Variants in PDE4D observed in about 807,000 individuals in gnomAD.
The protein encoded by PDE4D is 3',5'-cyclic-AMP phosphodiesterase 4D.
Under a neutral mutation model 87.4 loss-of-function variants are expected in PDE4D, and 24 were observed. That is an observed-to-expected ratio of 0.27 (90% CI 0.20 to 0.39). PDE4D has a LOEUF of 0.39. Among genes scored for constraint, PDE4D ranks in the 10% least tolerant of loss-of-function variants. PDE4D has a pLI of 1.00. For synonymous variants in PDE4D, 384 were observed against 383.2 expected (o/e 1.00, Z -0.02); for missense variants, 714 against 1,041.0 (o/e 0.69, Z 4.32).
At chr5:60,445,541 G>A (rs1457290717) in intron 1 of PDE4D, among the ~76,000 whole-genome samples, 2 of 152,148 alleles carry the variant, frequency 1.3e-5, no homozygotes, top group Non-Finnish European at 2.9e-5. Flanking sequence ...TAGGAAAAGT[G>A]TGTGTGATCT....
intron 1 of PDE4D, among the ~76,000 whole-genome samples, chr5:60,348,233 A>C (rs1758893259): frequency 6.6e-6 from 1 of 152,134 alleles, no homozygotes; most frequent in Non-Finnish European, 1.5e-5. Flanking sequence ...TTAGCAAACA[A>C]GAACCTGGGG....
chr5:59,766,369 A>ATGAAATAT (rs1212497877), intron 1 of PDE4D, among the ~76,000 whole-genome samples: 2 of 152,196 alleles, frequency 1.3e-5, no homozygotes, highest in Non-Finnish European at 2.9e-5. Flanking sequence ...ATACACTAAA[A>ATGAAATAT]TGAAATATTG....
intron 1 of PDE4D, among the ~76,000 whole-genome samples, chr5:59,262,919 T>C (rs891809876): frequency 6.6e-6 from 1 of 151,708 alleles, no homozygotes; most frequent in African/African-American, 2.4e-5. Context: ...GAGGAAAACT[T>C]GGAAGTATAT....
intron 1 of PDE4D, among the ~76,000 whole-genome samples, chr5:60,269,255 C>T (rs1188475490): frequency 1.3e-5 from 2 of 152,090 alleles, no homozygotes; most frequent in African/African-American, 2.4e-5. Context: ...TGCAGTGAGC[C>T]GAAATCGTGC....
At chr5:60,249,693 C>T (rs890573521) in intron 1 of PDE4D, among the ~76,000 whole-genome samples, 1 of 151,698 alleles carries the variant, frequency 6.6e-6, no homozygotes, top group Non-Finnish European at 1.5e-5. Context: ...ATGCATTTTG[C>T]AAAGATACAG....
At chr5:59,321,725 C>T (rs1774753534) in intron 1 of PDE4D, among the ~76,000 whole-genome samples, 1 of 152,024 alleles carries the variant, frequency 6.6e-6, no homozygotes, top group Non-Finnish European at 1.5e-5. Context: ...AGCACAGAAG[C>T]CACAGAATGA....
intron 1 of PDE4D, among the ~76,000 whole-genome samples, chr5:60,486,239 C>T (rs557949496): frequency 1.3e-5 from 2 of 152,224 alleles, no homozygotes; most frequent in East Asian, 1.9e-4. Flanking sequence ...TCCTTTCTCC[C>T]ACTAATACAG....
At chr5:59,044,519 C>T (rs1760291888) in intron 5 of PDE4D, among the ~76,000 whole-genome samples, 1 of 152,176 alleles carries the variant, frequency 6.6e-6, no homozygotes, top group African/African-American at 2.4e-5. Flanking sequence ...TTGCTTTGAG[C>T]TAGTCATTCC....
intron 1 of PDE4D, among the ~76,000 whole-genome samples, chr5:60,303,006 T>G (rs573355698): frequency 1.6e-4 from 24 of 151,940 alleles, no homozygotes; most frequent in African/African-American, 4.8e-4. Context: ...TTTTTGTATT[T>G]TTAGTAGAGA....
At chr5:58,988,738 A>G (rs1381389757) in intron 10 of PDE4D, 146 bp from the exon 11 acceptor site, 1 of 403,998 alleles carries the variant, frequency 2.5e-6, no homozygotes, top group Non-Finnish European at 4.3e-6. Context: ...AGAGTCTTAG[A>G]TACTTGTGAA....
At chr5:59,773,884 G>T (rs1763820403) in intron 1 of PDE4D, among the ~76,000 whole-genome samples, 1 of 151,958 alleles carries the variant, frequency 6.6e-6, no homozygotes, top group Non-Finnish European at 1.5e-5. Context: ...CTTTAGAAGG[G>T]AATATAAATA....
chr5:59,293,112 A>C (rs1434075490), intron 1 of PDE4D, among the ~76,000 whole-genome samples: 2 of 152,182 alleles, frequency 1.3e-5, no homozygotes, highest in African/African-American at 4.8e-5. Flanking sequence ...AGAAGAATAC[A>C]ATTCTCCTTA....
intron 1 of PDE4D, among the ~76,000 whole-genome samples, chr5:59,865,935 T>C (rs1746964340): frequency 6.6e-6 from 1 of 152,252 alleles, no homozygotes; most frequent in Admixed American, 6.5e-5. Context: ...TGATTGCTGC[T>C]AGAACGCTTT....
chr5:59,193,899 C>A (rs1039099014), intron 2 of PDE4D: 3 of 389,256 alleles, frequency 7.7e-6, no homozygotes, highest in Non-Finnish European at 3.5e-6. Flanking sequence ...AAGGAACCAG[C>A]AATGCAGTGA....
At chr5:60,076,610 G>A (rs1368866759) in intron 2 of PDE4D, among the ~76,000 whole-genome samples, 2 of 152,156 alleles carry the variant, frequency 1.3e-5, no homozygotes, top group Admixed American at 1.3e-4. Context: ...CTCAGGACTC[G>A]TGGACTGTGT....
intron 3 of PDE4D, among the ~76,000 whole-genome samples, chr5:59,982,208 A>G (rs530250146): frequency 5.9e-5 from 9 of 152,268 alleles, no homozygotes; most frequent in East Asian, 1.9e-4. Flanking sequence ...GTACTTCTTC[A>G]GACAGGTAAT....
At chr5:59,753,888 C>A (rs1462710726) in intron 1 of PDE4D, among the ~76,000 whole-genome samples, 4 of 152,172 alleles carry the variant, frequency 2.6e-5, no homozygotes, top group African/African-American at 9.6e-5. Flanking sequence ...AGAAAACTCT[C>A]AAGATGAATG....
chr5:59,313,996 CTCTT>C (rs1164989212), intron 1 of PDE4D: 1 of 152,162 alleles, frequency 6.6e-6, no homozygotes, highest in Non-Finnish European at 1.5e-5. Context: ...TCTATAATAT[CTCTT>C]TCAATGAAAT....
intron 1 of PDE4D, among the ~76,000 whole-genome samples, chr5:59,253,595 C>CT (rs886929792): frequency 1.3e-5 from 2 of 152,100 alleles, no homozygotes; most frequent in Non-Finnish European, 2.9e-5. Context: ...CTCAAAGGGA[C>CT]TTTTAACTCT....
Sources: gnomAD v4.1 joint callset for allele counts (sites outside exome capture counted in the v4.1 genomes callset) on GRCh38, gnomAD v4.1.1 for gene constraint, MANE v1.5 for transcripts, NCBI Gene and HGNC (gene_info 2026-07-23, HGNC 2026-07-21) for gene names.